ADAMTSL3: variants seen among roughly 807,000 people sequenced by gnomAD.
The protein encoded by ADAMTSL3 is ADAMTS-like protein 3.
A neutral mutation model predicts 201.7 loss-of-function variants in ADAMTSL3; 128 were observed. The ratio of observed to expected loss-of-function variants is 0.63; its 90% CI spans 0.55 to 0.73. The LOEUF is 0.73. Among genes scored for constraint, ADAMTSL3 ranks in the 30% least tolerant of loss-of-function variants. ADAMTSL3 has a pLI of 0.00. For missense variants in ADAMTSL3, 1,990 were observed against 2,119.6 expected (o/e 0.94, Z 1.20); for synonymous variants, 738 against 748.4 (o/e 0.99, Z 0.23).
intron 3 of ADAMTSL3, among the ~76,000 whole-genome samples, chr15:83,729,154 C>G (rs1032709820): frequency 2.0e-5 from 3 of 151,928 alleles, no homozygotes; most frequent in Non-Finnish European, 4.4e-5. Context: ...TATGCTGTTT[C>G]TTTCTCTTGC....
intron 2 of ADAMTSL3, among the ~76,000 whole-genome samples, chr15:83,660,830 G>A (rs1210908234): frequency 6.6e-6 from 1 of 151,410 alleles, no homozygotes; most frequent in Non-Finnish European, 1.5e-5. Flanking sequence ...CATTGCTTTT[G>A]GTGTTTTGGA....
intron 28 of ADAMTSL3, among the ~76,000 whole-genome samples, chr15:84,033,266 C>G (rs1452827519): frequency 6.6e-6 from 1 of 152,120 alleles, no homozygotes; most frequent in African/African-American, 2.4e-5. Flanking sequence ...AAATCTGATC[C>G]TACCACCACC....
chr15:84,000,692 A>G (rs868001030), intron 23 of ADAMTSL3, among the ~76,000 whole-genome samples: 5 of 152,244 alleles, frequency 3.3e-5, no homozygotes, highest in Non-Finnish European at 7.3e-5. Flanking sequence ...GAGTCAGAAA[A>G]GGTTTATTAA....
chr15:83,958,770 A>AGATGAATAAATAACAGGAGAATGT (rs1419590438), intron 19 of ADAMTSL3, among the ~76,000 whole-genome samples: 1 of 152,178 alleles, frequency 6.6e-6, no homozygotes, highest in Non-Finnish European at 1.5e-5. Context: ...TCAAGAAATG[A>AGATGAATAAATAACAGGAGAATGT]GATGAATAAA....
intron 6 of ADAMTSL3, among the ~76,000 whole-genome samples, chr15:83,827,727 T>C (rs778417395): frequency 1.3e-5 from 2 of 152,208 alleles, no homozygotes; most frequent in Non-Finnish European, 2.9e-5. Context: ...GCTTTCTACA[T>C]ATGGCTAGTC....
At chr15:83,786,608 A>AT (rs1234929513) in intron 4 of ADAMTSL3, among the ~76,000 whole-genome samples, 1 of 151,922 alleles carries the variant, frequency 6.6e-6, no homozygotes, top group Non-Finnish European at 1.5e-5. Context: ...CTGCTATGGC[A>AT]TTATTTATTA....
intron 4 of ADAMTSL3, among the ~76,000 whole-genome samples, chr15:83,786,315 C>G (rs920061386): frequency 1.3e-5 from 2 of 151,994 alleles, no homozygotes; most frequent in Non-Finnish European, 2.9e-5. Flanking sequence ...TAGTGGAGTT[C>G]TTTGTTTATT....
chr15:83,737,468 G>A (rs1385131142), intron 3 of ADAMTSL3, among the ~76,000 whole-genome samples: 1 of 152,128 alleles, frequency 6.6e-6, no homozygotes, highest in Non-Finnish European at 1.5e-5. Flanking sequence ...TGTTTGGCAA[G>A]TTCCTCCTTT....
intron 2 of ADAMTSL3, among the ~76,000 whole-genome samples, chr15:83,683,997 A>G (rs1351683010): frequency 6.6e-6 from 1 of 152,272 alleles, no homozygotes; most frequent in Admixed American, 6.5e-5. Flanking sequence ...ATTTTAGGCC[A>G]TACATATGTC....
In ADAMTSL3 at chr15:83,790,308, A is replaced by G. The variant is rs563844174; in HGVS notation, c.318-14342A>G. The stretch of plus-strand genomic sequence containing the variant: ...AGAAAACAACAAACCAATATATCTC[A>G]TGAATATAGAAGTAAAAATTATTAA... On this transcript the variant is annotated intron_variant, in intron 4 of 29. Transcript: ENST00000286744. Among the ~76,000 whole-genome samples the G allele has an allele frequency of 2.0e-5, 3 of 149,700 alleles. No individual in the cohort carries two copies. In the East Asian group the frequency reaches 5.8e-4, roughly 29 times the overall value.
intron 2 of ADAMTSL3, among the ~76,000 whole-genome samples, chr15:83,700,057 T>C (rs2061750016): frequency 6.6e-6 from 1 of 152,272 alleles, no homozygotes. Flanking sequence ...TTCCTCATTG[T>C]ATCTATCGCA....
At chr15:83,943,307 T>C (rs1398586569) in intron 19 of ADAMTSL3, among the ~76,000 whole-genome samples, 2 of 152,166 alleles carry the variant, frequency 1.3e-5, no homozygotes, top group African/African-American at 4.8e-5. Context: ...TTATTCAAAG[T>C]GTTATCATCA....
chr15:83,821,630 C>T (rs2063867795), intron 6 of ADAMTSL3, among the ~76,000 whole-genome samples: 1 of 151,738 alleles, frequency 6.6e-6, no homozygotes, highest in Non-Finnish European at 1.5e-5. Context: ...GAAAAGTCTC[C>T]CATGTCTACC....
In ADAMTSL3 at chr15:84,037,770, C is replaced by T; in HGVS notation, c.5040C>T (p.Tyr1680=). 6.2e-7 allele frequency: 1 copy of T among 1,613,984 alleles called. No individual in the cohort carries two copies. Among genetic ancestry groups the T allele is most frequent in the Non-Finnish European group, 8.5e-7 (1 of 1,179,980 alleles). Residue 1680 remains tyrosine, a synonymous_variant, in exon 30 of 30, where the codon TAC becomes TAT. Transcript: ENST00000286744. ...KHLNLCSLDR[Y]KQRCCQSCQE... is the part of the protein sequence containing the mutation. Reference sequence around the variant, plus strand: ...TTAATTTGTGTTCTCTAGACCGCTACAAACAAAGGTGCTGCCAGTCATGTC... The same window carrying T: ...TTAATTTGTGTTCTCTAGACCGCTATAAACAAAGGTGCTGCCAGTCATGTC...
Position 83,818,336 on chromosome 15 carries a change from G to GT in ADAMTSL3, c.364-1468dup, listed in dbSNP as rs796661283. Among the ~76,000 whole-genome samples, 19 of 151,866 alleles carry GT rather than the reference G, an allele frequency of 1.3e-4. 1 individual carries two copies. Among genetic ancestry groups the GT allele is most frequent in the African/African-American group, 2.9e-4 (12 of 41,480 alleles). ...CTTTATGGTGTGGTTTTTTTGTTTT[G>GT]TTTTTTTGGCAACAGAGTCTCGCTC... On this transcript the variant is annotated intron_variant, in intron 5 of 29. Coordinates refer to ENST00000286744, the MANE Select transcript of ADAMTSL3 (RefSeq NM_207517.3).
At chr15:83,678,966 TATC>T (rs2061443573) in intron 2 of ADAMTSL3, among the ~76,000 whole-genome samples, 4 of 149,936 alleles carry the variant, frequency 2.7e-5, no homozygotes, top group Admixed American at 2.0e-4. Flanking sequence ...ATAGTGAAAG[TATC>T]ATATCCTTTG....
chr15:83,684,819 A>G (rs1258799976), intron 2 of ADAMTSL3, among the ~76,000 whole-genome samples: 5 of 152,126 alleles, frequency 3.3e-5, no homozygotes, highest in South Asian at 2.1e-4. Flanking sequence ...ACAATTCTAT[A>G]TATCTTCTTT....
chr15:83,983,677 A>G (rs1483038590), intron 21 of ADAMTSL3, among the ~76,000 whole-genome samples: 1 of 152,210 alleles, frequency 6.6e-6, no homozygotes, highest in Non-Finnish European at 1.5e-5. Context: ...AAGCTTATTA[A>G]TAGTAATCCT....
At chr15:83,866,637 A>C (rs982263568) in intron 8 of ADAMTSL3, among the ~76,000 whole-genome samples, 18 of 152,156 alleles carry the variant, frequency 1.2e-4, no homozygotes, top group African/African-American at 4.3e-4. Context: ...GAGGGATAGC[A>C]TTAGGAGATA....
Sources: allele counts gnomAD v4.1 joint callset (sites outside exome capture counted in the v4.1 genomes callset), GRCh38; gene constraint gnomAD v4.1.1; transcripts MANE v1.5; gene names NCBI Gene and HGNC (gene_info 2026-07-23, HGNC 2026-07-21).